Variants in CYP26A1 observed in about 807,000 individuals in gnomAD.
CYP26A1 encodes the protein cytochrome P450 family 26 subfamily A member 1.
A neutral mutation model predicts 47.4 loss-of-function variants in CYP26A1; 46 were observed. The observed-to-expected ratio is 0.97, with a 90% CI of 0.77 to 1.24. The LOEUF (loss-of-function observed/expected upper bound fraction) is 1.24, where lower values mean the gene tolerates loss of function less well. CYP26A1 is among the 50% of genes most tolerant of loss of function. The probability of loss-of-function intolerance (pLI) is 0.00; values close to 1 mark genes in which losing one functional copy is unlikely to be tolerated. For synonymous variants in CYP26A1, 277 were observed against 263.7 expected, an observed-to-expected ratio of 1.05 and a Z score of -0.49; for missense variants, 680 against 644.4, an observed-to-expected ratio of 1.06 and a Z score of -0.60.
At chr10:93,076,296 G>A in intron 5 of CYP26A1, 1 of 441,552 alleles carries the variant, frequency 2.3e-6, no homozygotes, top group Non-Finnish European at 4.0e-6. Flanking sequence ...TGGTGGTGGT[G>A]AGTGTGGGGT....
rs1420138883 is a variant in CYP26A1 at position 93,074,157 on chromosome 10, C to G, written c.189+34C>G. On this transcript the variant is annotated intron_variant, in intron 1 of 6. Transcript: ENST00000224356. The surrounding 1 kb of genome is among the most constrained non-coding windows in gnomAD (Gnocchi z 5.3). The stretch of plus-strand genomic sequence containing the variant: ...GGGTGGGGCGGGACAGGCTGCTTCC[C>G]CGGAGCCCGGCGCGGCTCTGGGCTT... The G allele has an allele frequency of 9.2e-6, 14 of 1,527,270 alleles. No homozygotes were observed. Among genetic ancestry groups the G allele is most frequent in the Admixed American group, 2.0e-5 (1 of 49,782 alleles). The allele number at this position is 1,527,270 out of a possible 1,614,324, so 94.6% of individuals were successfully genotyped here.
At chr10:93,076,470 CCT>C in intron 5 of CYP26A1, 72 bp from the exon 6 acceptor site, 18 of 1,029,560 alleles carry the variant, frequency 1.7e-5, no homozygotes, top group Non-Finnish European at 2.5e-5. Flanking sequence ...CCACTTAAGC[CCT>C]GTTTACGTCT....
At position 93,075,212 on chromosome 10, in the gene CYP26A1, G is replaced by C. The variant is rs1448516182; in HGVS notation, c.769G>C (p.Gly257Arg). ...GCAGAACATTCGCGCCAAGATCTGC[G>C]GGCTGCGGGCATCCGAGGCGGGCCA... Reference protein sequence around the residue: ...IEQNIRAKICGLRASEAGQGC... With the variant: ...IEQNIRAKICRLRASEAGQGC... The change falls in exon 4 of 7, where the codon GGG (glycine) becomes CGG (arginine). Residue 257 changes from glycine to arginine, a missense_variant. Transcript: ENST00000224356. 1 of 1,613,960 alleles carries C rather than the reference G, an allele frequency of 6.2e-7. No homozygotes were observed. The highest frequency in any genetic ancestry group is 8.5e-7 in the Non-Finnish European group (1 of 1,179,970).
rs780171621 is a variant in CYP26A1, at chr10:93,077,044, G to A, written c.1234G>A (p.Glu412Lys). The change falls in exon 7 of 7, where the codon GAA (glutamate) becomes AAA (lysine). Residue 412 changes from glutamate (E) to lysine (K), a missense_variant. Physicochemically the swap from Glu to Lys is moderately conservative, Grantham distance 56. Coordinates refer to ENST00000224356, the MANE Select transcript of CYP26A1 (RefSeq NM_000783.4). ...HDVAEIFTNK[E>K]EFNPDRFMLP... ...TGTGGCAGAGATCTTCACCAACAAG[G>A]AAGAATTTAATCCTGACCGATTCAT... is the stretch of plus-strand genomic sequence containing the variant. The A allele has an allele frequency of 2.5e-6, 4 of 1,613,870 alleles. No homozygotes were observed. The highest frequency in any genetic ancestry group is 3.4e-6 in the Non-Finnish European group (4 of 1,179,728).
At position 93,074,720 on chromosome 10, in the gene CYP26A1, G is replaced by A; in HGVS notation, c.415-59G>A. The A allele has an allele frequency of 7.1e-7, 1 of 1,416,852 alleles. No individual in the cohort carries two copies. The highest frequency in any genetic ancestry group is 9.7e-7 in the Non-Finnish European group (1 of 1,030,956). The allele number at this position is 1,416,852 out of a possible 1,614,324, so 87.8% of individuals were successfully genotyped here. Reference sequence around the variant, plus strand: ...GGACTGGGGGTGTCTGGAAGGGGACGGCGGTAGACGAGAGGGGCGGATGGA... The same window carrying A: ...GGACTGGGGGTGTCTGGAAGGGGACAGCGGTAGACGAGAGGGGCGGATGGA... On this transcript the variant is annotated intron_variant, in intron 2 of 6. Transcript: ENST00000224356. This position sits in a 1 kb window ranked among gnomAD's most constrained non-coding sequence, Gnocchi z 5.3.
rs752745616 is a variant in CYP26A1, at chr10:93,075,925, G to A, written c.964G>A (p.Val322Ile). Residue 322 changes from valine (V) to isoleucine (I), a missense_variant, in exon 5 of 7, where the codon GTT becomes ATT. Transcript: ENST00000224356. ...LITYLGLYPH[V>I]LQKVREELKS... ...CACTTACCTGGGGCTCTACCCACAT[G>A]TTCTCCAGAAAGTGCGAGAAGAGCT... 5 of 1,612,754 alleles carry A rather than the reference G, an allele frequency of 3.1e-6. No individual in the cohort carries two copies. Among genetic ancestry groups the A allele is most frequent in the Non-Finnish European group, 4.2e-6 (5 of 1,178,850 alleles).
rs369345955 is a variant in CYP26A1, at chr10:93,075,813, A to G, written c.865-13A>G. On this transcript the variant is annotated splice_polypyrimidine_tract_variant and intron_variant, in intron 4 of 6. Transcript: ENST00000224356. ...GCAGACTTGTGAGAATGTGGGTCTC[A>G]CTCTATTCTTAGGCACTAAAGCAAT... is the stretch of plus-strand genomic sequence containing the variant. 6.2e-6 allele frequency: 10 copies of G among 1,606,528 alleles called. No individual in the cohort carries two copies. The African/African-American group carries it at 1.1e-4, about 17-fold the overall frequency.
chr10:93,074,041 G>A lies in CYP26A1; in HGVS notation c.107G>A (p.Arg36His), dbSNP rs766166645. The part of the protein sequence containing the change: ...KLWDLYCVSG[R>H]DRSCALPLPP... Reference sequence around the variant, plus strand: ...TGGGACCTGTACTGCGTGAGCGGCCGCGACCGCAGTTGTGCCCTCCCATTG... The same window carrying A: ...TGGGACCTGTACTGCGTGAGCGGCCACGACCGCAGTTGTGCCCTCCCATTG... The change falls in exon 1 of 7, where the codon CGC becomes CAC. Residue 36 changes from arginine to histidine, a missense_variant. Arg to His is a conservative substitution (Grantham distance 29). Coordinates refer to ENST00000224356, the MANE Select transcript of CYP26A1 (RefSeq NM_000783.4). This position sits in a 1 kb window ranked among gnomAD's most constrained non-coding sequence, Gnocchi z 5.3. 59 of 1,607,830 alleles carry A rather than the reference G, an allele frequency of 3.7e-5. No individual in the cohort carries two copies. The highest frequency in any genetic ancestry group is 4.7e-5 in the Non-Finnish European group (55 of 1,176,518).
In CYP26A1 at chr10:93,075,032, C is replaced by T. The variant is rs928966526; in HGVS notation, c.668C>T (p.Ser223Leu). 1 of 1,613,060 alleles carries T rather than the reference C, an allele frequency of 6.2e-7. No individual in the cohort carries two copies. The highest frequency in any genetic ancestry group is 1.3e-5 in the African/African-American group (1 of 75,072). The change falls in exon 3 of 7, where the codon TCG (serine) becomes TTG (leucine). Residue 223 changes from serine to leucine, a missense_variant. Transcript: ENST00000224356. ...AFEEMTRNLF[S>L]LPIDVPFSGL... ...GAGGAAATGACCCGCAATCTCTTCT[C>T]GCTGCCCATCGACGTGCCCTTCAGC...
chr10:93,075,147 A>G lies in CYP26A1; in HGVS notation c.706-2A>G. 6.2e-7 allele frequency: 1 copy of G among 1,612,972 alleles called. No individual in the cohort carries two copies. Among genetic ancestry groups the G allele is most frequent in the Non-Finnish European group, 8.5e-7 (1 of 1,179,612 alleles). On this transcript the variant is annotated splice_acceptor_variant, in intron 3 of 6. Transcript: ENST00000224356. LOFTEE classifies it high-confidence loss of function. ...TCACCGCCGCGCGCTCTCTGCGCTC[A>G]GGGCATGAAGGCGCGGAACCTCATT...
chr10:93,076,971 G>T lies in CYP26A1; in HGVS notation c.1161G>T (p.Gln387His). The T allele has an allele frequency of 1.9e-6, 3 of 1,581,384 alleles. No homozygotes were observed. The highest frequency in any genetic ancestry group is 2.6e-6 in the Non-Finnish European group (3 of 1,159,430). The change falls in exon 7 of 7, where the codon CAG (glutamine) becomes CAT (histidine). Residue 387 changes from glutamine (Q) to histidine (H), a missense_variant. By Grantham distance (24) the Gln-to-His change is conservative. Coordinates refer to ENST00000224356, the MANE Select transcript of CYP26A1 (RefSeq NM_000783.4). ...ALKTFELNGY[Q>H]IPKGWNVIYS... is the part of the protein sequence containing the mutation. ...TTCATAATCTTTTGCAGGGATACCA[G>T]ATTCCCAAGGGCTGGAATGTTATCT...
chr10:93,073,898 C>CGGT lies in CYP26A1; in HGVS notation c.-35_-34insTGG. 1.4e-6 allele frequency: 1 copy of CGGT among 725,520 alleles called. No homozygotes were observed. Among genetic ancestry groups the CGGT allele is most frequent in the South Asian group, 1.6e-5 (1 of 64,286 alleles). The allele number at this position is 725,520 out of a possible 1,614,324, so 44.9% of individuals were successfully genotyped here. A position where few individuals can be genotyped will look rare whatever the true frequency, so the allele number is the denominator to read the frequency against. Reference sequence around the variant, plus strand: ...AGCGCCGTGGGGTTTGAAGCGCTGGCGGCGGCGGCAGGTGGCGCGGGAGGT... The same window carrying CGGT: ...AGCGCCGTGGGGTTTGAAGCGCTGGCGGTGGCGGCGGCAGGTGGCGCGGGAGGT... On this transcript the variant is annotated 5_prime_UTR_variant, in exon 1 of 7. Coordinates refer to ENST00000224356, the MANE Select transcript of CYP26A1 (RefSeq NM_000783.4).
At chr10:93,073,765 C>CG (rs553773738), upstream of CYP26A1, 592 of 568,420 alleles carry the variant, frequency 1.0e-3, 2 homozygotes, top group Middle Eastern at 6.9e-3. Flanking sequence ...CAGCGCCTCG[C>CG]GGGGGGAGGA....
intron 5 of CYP26A1, 195 bp from the exon 6 acceptor site, chr10:93,076,349 A>C: frequency 1.8e-6 from 1 of 552,560 alleles, no homozygotes; most frequent in Non-Finnish European, 3.2e-6. Flanking sequence ...ACTGGTGAGC[A>C]GCATTCTCCT....
chr10:93,075,167 C>T lies in CYP26A1; in HGVS notation c.724C>T (p.Leu242Phe), dbSNP rs1329780429. 1.2e-6 allele frequency: 2 copies of T among 1,613,496 alleles called. No individual in the cohort carries two copies. Among genetic ancestry groups the T allele is most frequent in the Non-Finnish European group, 1.7e-6 (2 of 1,179,928 alleles). The change falls in exon 4 of 7, where the codon CTC becomes TTC. Residue 242 changes from leucine to phenylalanine, a missense_variant. Transcript: ENST00000224356. ...CGCTCAGGGCATGAAGGCGCGGAAC[C>T]TCATTCACGCGCGCATCGAGCAGAA... is the stretch of plus-strand genomic sequence containing the variant. The part of the protein sequence containing the change: ...GLYRGMKARN[L>F]IHARIEQNIR...
Position 93,074,418 on chromosome 10 carries a change from C to A in CYP26A1, c.300C>A (p.Ile100=). ...RVMGADNVRR[I]LLGEHRLVSV... ...TGGGCGCGGACAATGTGCGGCGCAT[C>A]TTGCTCGGAGAGCACCGGCTGGTGT... The change falls in exon 2 of 7, where the codon ATC becomes ATA. Residue 100 remains isoleucine, a synonymous_variant. Coordinates refer to ENST00000224356, the MANE Select transcript of CYP26A1 (RefSeq NM_000783.4). The surrounding 1 kb of genome is among the most constrained non-coding windows in gnomAD (Gnocchi z 5.3). The A allele has an allele frequency of 6.2e-7, 1 of 1,612,044 alleles. No individual in the cohort carries two copies. Among genetic ancestry groups the A allele is most frequent in the African/African-American group, 1.3e-5 (1 of 75,054 alleles).
Position 93,076,670 on chromosome 10 carries a change from G to A in CYP26A1, c.1126G>A (p.Val376Ile), listed in dbSNP as rs370744399. The A allele has an allele frequency of 1.2e-6, 2 of 1,611,088 alleles. No individual in the cohort carries two copies. The highest frequency in any genetic ancestry group is 2.2e-5 in the East Asian group (1 of 44,884). Reference sequence around the variant, plus strand: ...TCCCCCAGTTCCAGGAGGGTTTCGGGTTGCTCTGAAGACTTTTGAATTAAA... The same window carrying A: ...TCCCCCAGTTCCAGGAGGGTTTCGGATTGCTCTGAAGACTTTTGAATTAAA... ...LNPPVPGGFRVALKTFELNGY... is the reference protein window; with the variant it reads ...LNPPVPGGFRIALKTFELNGY... The change falls in exon 6 of 7, where the codon GTT becomes ATT. Residue 376 changes from valine (V) to isoleucine (I), a missense_variant. Physicochemically the swap from Val to Ile is conservative, Grantham distance 29. Transcript: ENST00000224356.
At chr10:93,076,731 G>A in intron 6 of CYP26A1, 35 bp downstream of exon 6, 1 of 1,528,524 alleles carries the variant, frequency 6.5e-7, no homozygotes, top group Non-Finnish European at 8.9e-7. Context: ...CCCTTTTGTT[G>A]TGGTTTAAAA....
At chr10:93,076,478 C>T (rs1846978465) in intron 5 of CYP26A1, 66 bp from the exon 6 acceptor site, 10 of 1,145,280 alleles carry the variant, frequency 8.7e-6, no homozygotes, top group East Asian at 2.4e-5. Context: ...GCCCTGTTTA[C>T]GTCTGCTGGG....
Sources: gnomAD v4.1 joint callset for allele counts on GRCh38, gnomAD v4.1.1 for gene constraint, Gnocchi (gnomAD v3.1) non-coding constraint, MANE v1.5 for transcripts, NCBI Gene and HGNC (gene_info 2026-07-23, HGNC 2026-07-21) for gene names.